The following TMEM62 variants were observed in gnomAD, a reference collection of about 807,000 sequenced individuals.
TMEM62 encodes the protein transmembrane protein 62.
Under a neutral mutation model 70.4 loss-of-function variants are expected in TMEM62, and 41 were observed. The observed-to-expected ratio is 0.58, with a 90% CI of 0.45 to 0.76. TMEM62 has a LOEUF of 0.76. Ranked by LOEUF, TMEM62 falls within the 30% of genes least tolerant of loss-of-function variation. The pLI is 0.00. For synonymous variants in TMEM62, 268 were observed against 291.0 expected (o/e 0.92, Z 0.80); for missense variants, 688 against 788.5 (o/e 0.87, Z 1.53).
intron 10 of TMEM62, among the ~76,000 whole-genome samples, chr15:43,161,819 C>T (rs1231628829): frequency 4.6e-5 from 7 of 151,840 alleles, no homozygotes; most frequent in Non-Finnish European, 1.0e-4. Flanking sequence ...TGCCACCACG[C>T]CCAGCTAATT....
At chr15:43,164,803 T>C (rs1230699400) in intron 10 of TMEM62, among the ~76,000 whole-genome samples, 1 of 152,226 alleles carries the variant, frequency 6.6e-6, no homozygotes, top group East Asian at 1.9e-4. Flanking sequence ...AAGTCTTTAT[T>C]TCTCCTTCAT....
intron 7 of TMEM62, among the ~76,000 whole-genome samples, chr15:43,151,398 A>G (rs540521085): frequency 1.1e-4 from 16 of 152,282 alleles, no homozygotes; most frequent in Admixed American, 9.8e-4. Context: ...AACCATTTTA[A>G]TATTTTATGT....
At chr15:43,151,609 A>C (rs1417487363) in intron 7 of TMEM62, among the ~76,000 whole-genome samples, 181 bp from the exon 8 acceptor site, 1 of 152,220 alleles carries the variant, frequency 6.6e-6, no homozygotes, top group East Asian at 1.9e-4. Context: ...TTATGTGACA[A>C]ATGTGAAGGA....
In TMEM62 at chr15:43,175,540, G is replaced by A. The variant is rs2040631763; in HGVS notation, c.1382-3067G>A. ...CTGAGGATCTGTGGTACTGTAGACT[G>A]TGGCCGCAGAATGGAGCTTCTCTGA... On this transcript the variant is annotated intron_variant, in intron 11 of 13. Transcript: ENST00000260403. 2.0e-5 allele frequency among the ~76,000 whole-genome samples: 3 copies of A among 152,216 alleles called. No homozygotes were observed. In the South Asian group the frequency reaches 6.2e-4, roughly 32 times the overall value.
chr15:43,183,968 G>A (rs904068824), intron 13 of TMEM62: 2 of 416,220 alleles, frequency 4.8e-6, no homozygotes, highest in Non-Finnish European at 8.6e-6. Context: ...CATTTACTCA[G>A]TTCAATTCCA....
rs150806909 is a variant in TMEM62, at chr15:43,140,701, T to G, written c.476+2082T>G. On this transcript the variant is annotated intron_variant, in intron 4 of 13. Transcript: ENST00000260403. ...TGGGGGGCTATGATGAGATCCAGGG[T>G]CTGCCCAATCTCAGTCTGATAGAAA... is the stretch of plus-strand genomic sequence containing the variant. Among the ~76,000 whole-genome samples the G allele has an allele frequency of 1.7e-3, 253 of 152,268 alleles. 1 individual carries two copies. Among genetic ancestry groups the G allele is most frequent in the Non-Finnish European group, 2.0e-3 (135 of 68,018 alleles).
chr15:43,167,202 C>T lies in TMEM62; in HGVS notation c.1297-2391C>T, dbSNP rs1422296555. 2.6e-5 allele frequency among the ~76,000 whole-genome samples: 4 copies of T among 151,442 alleles called. No individual in the cohort carries two copies. In the East Asian group the frequency reaches 6.0e-4, roughly 23 times the overall value. ...CCTCCCTCCCGGACGGGTCGGCTGG[C>T]CGGGCGGGGGGCTGACCCCCCACCT... On this transcript the variant is annotated intron_variant, in intron 10 of 13. Transcript: ENST00000260403.
At chr15:43,147,282 G>T (rs1399744742) in intron 5 of TMEM62, among the ~76,000 whole-genome samples, 1 of 152,144 alleles carries the variant, frequency 6.6e-6, no homozygotes, top group Non-Finnish European at 1.5e-5. Context: ...TTTTTTTAAA[G>T]AAGAGAAGGA....
At chr15:43,181,110 T>C in intron 12 of TMEM62, 71 bp from the exon 13 acceptor site, 1 of 962,630 alleles carries the variant, frequency 1.0e-6, no homozygotes, top group East Asian at 2.4e-5. Context: ...CCTATAAATG[T>C]ATCTCATGAT....
At chr15:43,150,458 A>G (rs2141673817) in intron 7 of TMEM62, among the ~76,000 whole-genome samples, 1 of 152,288 alleles carries the variant, frequency 6.6e-6, no homozygotes, top group African/African-American at 2.4e-5. Flanking sequence ...TTTGGAGCGT[A>G]CTCCAGATAA....
At chr15:43,146,408 A>C in intron 4 of TMEM62, 85 bp from the exon 5 acceptor site, 1 of 1,278,200 alleles carries the variant, frequency 7.8e-7, no homozygotes, top group South Asian at 1.7e-5. Context: ...TTTTCAAAGG[A>C]AGGTAAAATC....
chr15:43,133,658 C>A lies in TMEM62; in HGVS notation c.-145C>A. 1 of 552,040 alleles carries A rather than the reference C, an allele frequency of 1.8e-6. No homozygotes were observed. Among genetic ancestry groups the A allele is most frequent in the Non-Finnish European group, 2.7e-6 (1 of 366,388 alleles). The allele number at this position is 552,040 out of a possible 1,614,324, so 34.2% of individuals were successfully genotyped here. On this transcript the variant is annotated 5_prime_UTR_variant, in exon 1 of 14. Coordinates refer to ENST00000260403, the MANE Select transcript of TMEM62 (RefSeq NM_024956.4). Reference sequence around the variant, plus strand: ...GCAGCACCCTAGGCCCAGTGTCTGGCTCCAGCCCCGCATCCGGCGCCGGCC... The same window carrying A: ...GCAGCACCCTAGGCCCAGTGTCTGGATCCAGCCCCGCATCCGGCGCCGGCC...
At chr15:43,176,186 C>T (rs1189715974) in intron 11 of TMEM62, among the ~76,000 whole-genome samples, 2 of 152,266 alleles carry the variant, frequency 1.3e-5, no homozygotes, top group Non-Finnish European at 2.9e-5. Context: ...CCGGGAAGCT[C>T]GAACTGGGTG....
intron 11 of TMEM62, among the ~76,000 whole-genome samples, chr15:43,175,729 C>T (rs370910890): frequency 7.2e-5 from 11 of 152,132 alleles, no homozygotes; most frequent in East Asian, 1.9e-4. Flanking sequence ...GGAACAGCTC[C>T]GGTCTACACC....
At position 43,178,669 on chromosome 15, in the gene TMEM62, T is replaced by A; in HGVS notation, c.1444T>A (p.Phe482Ile). ...TCATGTCTTGAGCAAAATAAACATC[T>A]TCTACTATTCTGTGTTGTTGTTGAC... ...SLHVLSKINI[F>I]YYSVLLLTLY... Residue 482 changes from phenylalanine to isoleucine, a missense_variant, in exon 12 of 14, where the codon TTC becomes ATC. Transcript: ENST00000260403. 1 of 1,612,944 alleles carries A rather than the reference T, an allele frequency of 6.2e-7. No homozygotes were observed.
chr15:43,154,605 G>T (rs1342606634), intron 8 of TMEM62, 67 bp from the exon 9 acceptor site: 1 of 1,436,276 alleles, frequency 7.0e-7, no homozygotes, highest in Non-Finnish European at 9.5e-7. Context: ...TTACAATAAG[G>T]TTATTCTCCT....
intron 4 of TMEM62, among the ~76,000 whole-genome samples, chr15:43,141,621 C>T (rs1424405392): frequency 6.6e-6 from 1 of 152,238 alleles, no homozygotes; most frequent in African/African-American, 2.4e-5. Context: ...CAACTTTCAA[C>T]TCTTACTATT....
intron 9 of TMEM62, among the ~76,000 whole-genome samples, chr15:43,157,038 A>G (rs1430702548): frequency 6.6e-6 from 1 of 152,208 alleles, no homozygotes; most frequent in Non-Finnish European, 1.5e-5. Flanking sequence ...CCTTTTAAGT[A>G]CAGTAAACTG....
chr15:43,135,871 GCTT>G (rs1013356660), intron 3 of TMEM62: 11 of 404,818 alleles, frequency 2.7e-5, no homozygotes, highest in Non-Finnish European at 4.3e-5. Flanking sequence ...GACATATGCT[GCTT>G]CTTTTTTTAT....
Sources: gnomAD v4.1 joint callset for allele counts (sites outside exome capture counted in the v4.1 genomes callset) on GRCh38, gnomAD v4.1.1 for gene constraint, MANE v1.5 for transcripts, NCBI Gene and HGNC (gene_info 2026-07-23, HGNC 2026-07-21) for gene names.